The following KCNQ1OT1 variants were observed in gnomAD, a reference collection of about 807,000 sequenced individuals.
KCNQ1OT1 encodes KCNQ1 opposite strand/antisense transcript 1.
At chr11:2,641,708 T>C (rs1454540229) in exon 1 of KCNQ1OT1, 1 of 398,326 alleles carries the variant, frequency 2.5e-6, no homozygotes, top group African/African-American at 2.1e-5. Context: ...AATCTTTCCC[T>C]AGACCAATGT....
In KCNQ1OT1 at chr11:2,695,198, T is replaced by G; in HGVS notation, n.4797A>C. Reference sequence around the variant, plus strand: ...TCACAGCCCTCAGCCTATGAAACACTGTCACCCTGTAAGGGTCTGCATAAA... The same window carrying G: ...TCACAGCCCTCAGCCTATGAAACACGGTCACCCTGTAAGGGTCTGCATAAA... On this transcript the variant is annotated non_coding_transcript_exon_variant, in exon 1 of 1. Transcript: ENST00000597346. The surrounding 1 kb of genome is among the most constrained non-coding windows in gnomAD (Gnocchi z 5.2). 1 of 398,636 alleles carries G rather than the reference T, an allele frequency of 2.5e-6. No homozygotes were observed. The highest frequency in any genetic ancestry group is 4.4e-6 in the Non-Finnish European group (1 of 226,080). 24.7% of individuals were successfully genotyped at this position (398,636 alleles called of 1,614,324 possible). A position where few individuals can be genotyped will look rare whatever the true frequency, so the allele number is the denominator to read the frequency against.
exon 1 of KCNQ1OT1, chr11:2,638,731 G>C (rs1462111571): frequency 7.9e-5 from 12 of 152,130 alleles, no homozygotes; most frequent in Admixed American, 7.2e-4. Flanking sequence ...TGCCTTGCTA[G>C]GTTGGGGAAG....
rs116118799 is a variant in KCNQ1OT1 at position 2,628,048 on chromosome 11, A to T, written n.71947T>A. The T allele has an allele frequency of 4.7e-3, 1,886 of 398,568 alleles. 33 individuals are homozygous for T. Among genetic ancestry groups the T allele is most frequent in the African/African-American group, 0.035 (1,721 of 48,744 alleles). 24.7% of individuals were successfully genotyped at this position (398,568 alleles called of 1,614,324 possible). A position where few individuals can be genotyped will look rare whatever the true frequency, so the allele number is the denominator to read the frequency against. ...ATTACAGGTACAAGCCACCATGCCT[A>T]TGAATACTATGTTGCTCATTTCTTG... is the stretch of plus-strand genomic sequence containing the variant. On this transcript the variant is annotated non_coding_transcript_exon_variant, in exon 1 of 1. Coordinates refer to ENST00000597346, the Ensembl canonical transcript of KCNQ1OT1.
chr11:2,633,431 C>T lies in KCNQ1OT1; in HGVS notation n.66564G>A, dbSNP rs1849397263. The stretch of plus-strand genomic sequence containing the variant: ...TTGCCTGTGCTTATAAAGTCTTACC[C>T]ATAAAATCTTCGCTAGACCCATATC... On this transcript the variant is annotated non_coding_transcript_exon_variant, in exon 1 of 1. Transcript: ENST00000597346. 8 of 398,394 alleles carry T rather than the reference C, an allele frequency of 2.0e-5. No homozygotes were observed. The Admixed American group carries it at 2.6e-4, about 13-fold the overall frequency. 24.7% of individuals were successfully genotyped at this position (398,394 alleles called of 1,614,324 possible). A position where few individuals can be genotyped will look rare whatever the true frequency, so the allele number is the denominator to read the frequency against.
Position 2,674,857 on chromosome 11 carries a change from A to G in KCNQ1OT1, n.25138T>C. ...TAAAAAAAAAAAAAAAAAAAAAAAAAAAAGCTCACTGGGCACCTTGGCTGC... is the reference window on the plus strand; with the variant it reads ...TAAAAAAAAAAAAAAAAAAAAAAAAGAAAGCTCACTGGGCACCTTGGCTGC... On this transcript the variant is annotated non_coding_transcript_exon_variant, in exon 1 of 1. Coordinates refer to ENST00000597346, the Ensembl canonical transcript of KCNQ1OT1. This position sits in a 1 kb window ranked among gnomAD's most constrained non-coding sequence, Gnocchi z 5.9. 1 of 397,626 alleles carries G rather than the reference A, an allele frequency of 2.5e-6. No individual in the cohort carries two copies. Among genetic ancestry groups the G allele is most frequent in the East Asian group, 3.6e-5 (1 of 28,054 alleles). The allele number at this position is 397,626 out of a possible 1,614,324, so 24.6% of individuals were successfully genotyped here.
Position 2,674,865 on chromosome 11 carries a change from A to T in KCNQ1OT1, n.25130T>A, listed in dbSNP as rs986265380. 11 of 380,768 alleles carry T rather than the reference A, an allele frequency of 2.9e-5. No individual in the cohort carries two copies. The highest frequency in any genetic ancestry group is 5.0e-5 in the Non-Finnish European group (11 of 221,620). The allele number at this position is 380,768 out of a possible 1,614,324, so 23.6% of individuals were successfully genotyped here. A position where few individuals can be genotyped will look rare whatever the true frequency, so the allele number is the denominator to read the frequency against. On this transcript the variant is annotated non_coding_transcript_exon_variant, in exon 1 of 1. Coordinates refer to ENST00000597346, the Ensembl canonical transcript of KCNQ1OT1. The surrounding 1 kb of genome is among the most constrained non-coding windows in gnomAD (Gnocchi z 5.9). ...AAAAAAAAAAAAAAAAAAAAAGCTC[A>T]CTGGGCACCTTGGCTGCAGGGTCTG...
exon 1 of KCNQ1OT1, chr11:2,629,851 T>C: frequency 2.5e-6 from 1 of 398,070 alleles, no homozygotes; most frequent in East Asian, 3.6e-5. Context: ...TTTCTACATA[T>C]ATGATGTCAT....
In KCNQ1OT1 at chr11:2,674,091, G is replaced by A. The variant is rs1850241688; in HGVS notation, n.25904C>T. On this transcript the variant is annotated non_coding_transcript_exon_variant, in exon 1 of 1. Transcript: ENST00000597346. This position sits in a 1 kb window ranked among gnomAD's most constrained non-coding sequence, Gnocchi z 5.9. ...ATGGGGGCTTGGGCTAGGTCTCCCT[G>A]CCGGTGGGGAGGGAGGTGTGGAAGC... 2.5e-6 allele frequency: 1 copy of A among 398,738 alleles called. No individual in the cohort carries two copies. Among genetic ancestry groups the A allele is most frequent in the East Asian group, 3.6e-5 (1 of 28,066 alleles). The allele number at this position is 398,738 out of a possible 1,614,324, so 24.7% of individuals were successfully genotyped here.
At chr11:2,632,727 T>C in exon 1 of KCNQ1OT1, 1 of 398,410 alleles carries the variant, frequency 2.5e-6, no homozygotes, top group South Asian at 1.3e-4. Flanking sequence ...TCCAAGTTCA[T>C]CCATGTTGCT....
At chr11:2,689,994 C>CA in exon 1 of KCNQ1OT1, 1 of 398,856 alleles carries the variant, frequency 2.5e-6, no homozygotes, top group Non-Finnish European at 4.4e-6. Flanking sequence ...TTTGCCCAAG[C>CA]AGAGAACTGT....
exon 1 of KCNQ1OT1, chr11:2,689,042 T>C: frequency 2.5e-6 from 1 of 398,880 alleles, no homozygotes; most frequent in East Asian, 3.6e-5. Flanking sequence ...TGCAGGGTTT[T>C]GAGGGGCAGT....
exon 1 of KCNQ1OT1, chr11:2,662,547 T>C: frequency 9.3e-6 from 4 of 428,160 alleles, no homozygotes; most frequent in Non-Finnish European, 1.6e-5. Flanking sequence ...CGCCTTCCAG[T>C]TGGCCTTCCC....
chr11:2,618,379 C>G (rs1849104261), exon 1 of KCNQ1OT1: 1 of 398,494 alleles, frequency 2.5e-6, no homozygotes, highest in Non-Finnish European at 4.4e-6. Flanking sequence ...TAAAGCCATC[C>G]TGGGCTTACA....
Position 2,652,278 on chromosome 11 carries a change from G to A in KCNQ1OT1, n.47717C>T. 1 of 398,662 alleles carries A rather than the reference G, an allele frequency of 2.5e-6. No homozygotes were observed. Among genetic ancestry groups the A allele is most frequent in the Non-Finnish European group, 4.4e-6 (1 of 226,076 alleles). The allele number at this position is 398,662 out of a possible 1,614,324, so 24.7% of individuals were successfully genotyped here. A position where few individuals can be genotyped will look rare whatever the true frequency, so the allele number is the denominator to read the frequency against. The stretch of plus-strand genomic sequence containing the variant: ...AAACATTCTGAGAACATCTGCACCG[G>A]TTTCCAAGGCTTCTCCCTCACTAAT... On this transcript the variant is annotated non_coding_transcript_exon_variant, in exon 1 of 1. Transcript: ENST00000597346. This position sits in a 1 kb window ranked among gnomAD's most constrained non-coding sequence, Gnocchi z 5.9.
At position 2,621,170 on chromosome 11, in the gene KCNQ1OT1, G is replaced by A; in HGVS notation, n.78825C>T. ...TTTTTGTGTTTTTAGTAGAGACGGG[G>A]TTTCACCATGTTGGCCAGGATGGTC... On this transcript the variant is annotated non_coding_transcript_exon_variant, in exon 1 of 1. Transcript: ENST00000597346. The surrounding 1 kb of genome is among the most constrained non-coding windows in gnomAD (Gnocchi z 5.7). 2.5e-6 allele frequency: 1 copy of A among 397,398 alleles called. No individual in the cohort carries two copies. The highest frequency in any genetic ancestry group is 1.4e-4 in the South Asian group (1 of 7,014). The allele number at this position is 397,398 out of a possible 1,614,324, so 24.6% of individuals were successfully genotyped here.
rs1403886990 is a variant in KCNQ1OT1 at position 2,611,065 on chromosome 11, G to A, written n.88930C>T. The A allele has an allele frequency of 1.3e-5, 5 of 398,208 alleles. No homozygotes were observed. The highest frequency in any genetic ancestry group is 2.1e-5 in the African/African-American group (1 of 48,560). The allele number at this position is 398,208 out of a possible 1,614,324, so 24.7% of individuals were successfully genotyped here. On this transcript the variant is annotated non_coding_transcript_exon_variant, in exon 1 of 1. Transcript: ENST00000597346. This position sits in a 1 kb window ranked among gnomAD's most constrained non-coding sequence, Gnocchi z 5.3. ...GTTTTATTTCATATACTTCAGGGCT[G>A]TGTTTTTAGCTGTTATAAATTTTTA...
At chr11:2,629,558 G>C (rs2133814324) in exon 1 of KCNQ1OT1, 1 of 398,416 alleles carries the variant, frequency 2.5e-6, no homozygotes, top group East Asian at 3.6e-5. Context: ...AGGATATCCA[G>C]TTTTCCTGGC....
chr11:2,671,660 G>A lies in KCNQ1OT1; in HGVS notation n.28335C>T, dbSNP rs1850185552. ...TGTGGTGCCCTGCTGGGGAAACTGA[G>A]GCAGAGAGCAGGGGTGACTTTGCAA... On this transcript the variant is annotated non_coding_transcript_exon_variant, in exon 1 of 1. Transcript: ENST00000597346. The surrounding 1 kb of genome is among the most constrained non-coding windows in gnomAD (Gnocchi z 4.7). 2.6e-6 allele frequency: 1 copy of A among 386,002 alleles called. No homozygotes were observed. The highest frequency in any genetic ancestry group is 4.5e-6 in the Non-Finnish European group (1 of 220,928). The allele number at this position is 386,002 out of a possible 1,614,324, so 23.9% of individuals were successfully genotyped here.
rs185275967 is a variant in KCNQ1OT1 at position 2,663,902 on chromosome 11, T to C, written n.36093A>G. On this transcript the variant is annotated non_coding_transcript_exon_variant, in exon 1 of 1. Coordinates refer to ENST00000597346, the Ensembl canonical transcript of KCNQ1OT1. This position sits in a 1 kb window ranked among gnomAD's most constrained non-coding sequence, Gnocchi z 5.2. ...GGGTGACCCCAAGCCAGTGTGGCTGTGTCATCTAGGACACTGGGCTGTTTC... is the reference window on the plus strand; with the variant it reads ...GGGTGACCCCAAGCCAGTGTGGCTGCGTCATCTAGGACACTGGGCTGTTTC... The C allele has an allele frequency of 2.5e-6, 1 of 398,714 alleles. No homozygotes were observed. Among genetic ancestry groups the C allele is most frequent in the Admixed American group, 4.4e-5 (1 of 22,744 alleles). 24.7% of individuals were successfully genotyped at this position (398,714 alleles called of 1,614,324 possible).
Sources: gnomAD v4.1 joint callset for allele counts on GRCh38, gnomAD v4.1.1 for gene constraint, Gnocchi (gnomAD v3.1) non-coding constraint, MANE v1.5 for transcripts, NCBI Gene and HGNC (gene_info 2026-07-23, HGNC 2026-07-21) for gene names.